Variants in SEMA4A observed in about 807,000 individuals in gnomAD.
SEMA4A encodes the protein semaphorin 4A.
In SEMA4A, 52 loss-of-function variants were observed where a neutral mutation model predicts 72.5. That is an observed-to-expected ratio of 0.72 (90% CI 0.57 to 0.90). The LOEUF is 0.90. Among genes scored for constraint, SEMA4A ranks in the 40% least tolerant of loss-of-function variants. The probability of loss-of-function intolerance (pLI) is 0.00; values close to 1 mark genes in which losing one functional copy is unlikely to be tolerated. For synonymous variants in SEMA4A, 369 were observed against 393.1 expected, an observed-to-expected ratio of 0.94 and a Z score of 0.73; for missense variants, 926 against 959.7, an observed-to-expected ratio of 0.96 and a Z score of 0.46.
chr1:156,147,724 G>A (rs1652218487), upstream of SEMA4A, among the ~76,000 whole-genome samples: 1 of 152,074 alleles, frequency 6.6e-6, no homozygotes, highest in African/African-American at 2.4e-5. Flanking sequence ...TGCAATCAAA[G>A]ACACAGGGTC....
chr1:156,156,646 G>A, intron 3 of SEMA4A, 72 bp downstream of exon 3: 3 of 1,471,548 alleles, frequency 2.0e-6, no homozygotes, highest in Non-Finnish European at 2.8e-6. Context: ...GGGCTTGGCT[G>A]CCTGTGCATG....
At chr1:156,175,288 C>G in intron 13 of SEMA4A, 45 bp downstream of exon 13, 3 of 1,573,204 alleles carry the variant, frequency 1.9e-6, no homozygotes, top group South Asian at 1.2e-5. Flanking sequence ...CAGCCAGGAC[C>G]CTTCTCAGCC....
At chr1:156,152,880 C>G (rs1652662724), upstream of SEMA4A, among the ~76,000 whole-genome samples, 1 of 152,158 alleles carries the variant, frequency 6.6e-6, no homozygotes, top group African/African-American at 2.4e-5. Flanking sequence ...GTCGAGTGGG[C>G]AGGAACCTAC....
intron 14 of SEMA4A, among the ~76,000 whole-genome samples, chr1:156,176,173 G>A (rs989197634): frequency 6.6e-6 from 1 of 151,966 alleles, no homozygotes; most frequent in Non-Finnish European, 1.5e-5. Flanking sequence ...CCAGCTATTC[G>A]GGAGGCTGGG....
chr1:156,147,676 C>A (rs74746675), upstream of SEMA4A, among the ~76,000 whole-genome samples: 47 of 152,178 alleles, frequency 3.1e-4, no homozygotes, highest in Non-Finnish European at 4.0e-4. Context: ...TCCCCAAGAC[C>A]TTCATTTTCT....
At chr1:156,156,642 G>C in intron 3 of SEMA4A, 68 bp downstream of exon 3, 1 of 1,514,956 alleles carries the variant, frequency 6.6e-7, no homozygotes, top group South Asian at 1.1e-5. Context: ...CCCTGGGCTT[G>C]GCTGCCTGTG....
chr1:156,161,490 C>T lies in SEMA4A; in HGVS notation c.955C>T (p.His319Tyr), dbSNP rs1409993141. The change falls in exon 9 of 15, where the codon CAC becomes TAC. Residue 319 changes from histidine (H) to tyrosine (Y), a missense_variant. Transcript: ENST00000368285. ...LLPADSPTAP[H>Y]IYAVFTSQWQ... ...CCCCGCCGATTCTCCCACAGCTCCC[C>T]ACATCTACGCAGTCTTCACCTCCCA... 2 of 1,613,952 alleles carry T rather than the reference C, an allele frequency of 1.2e-6. No homozygotes were observed. The highest frequency in any genetic ancestry group is 1.3e-5 in the African/African-American group (1 of 74,926).
chr1:156,158,166 G>A (rs748671120), intron 4 of SEMA4A, 34 bp downstream of exon 4: 5 of 1,609,712 alleles, frequency 3.1e-6, no homozygotes, highest in African/African-American at 2.7e-5. Flanking sequence ...GGTAGAGTGG[G>A]TAGAGAGCTC....
Position 156,175,124 on chromosome 1 carries a change from G to T in SEMA4A, c.1473G>T (p.Arg491Ser), listed in dbSNP as rs765032279. Residue 491 changes from arginine to serine, a missense_variant, in exon 13 of 15, where the codon AGG (arginine) becomes AGT (serine). By Grantham distance (110) the Arg-to-Ser change is moderately radical. Coordinates refer to ENST00000368285, the MANE Select transcript of SEMA4A (RefSeq NM_022367.4). Reference protein sequence around the residue: ...VFVGFSGGVWRVPRANCSVYE... With the variant: ...VFVGFSGGVWSVPRANCSVYE... ...TAGGCTTCTCAGGAGGTGTCTGGAGGGTGCCCCGAGCCAACTGTAGTGTCT... is the reference window on the plus strand; with the variant it reads ...TAGGCTTCTCAGGAGGTGTCTGGAGTGTGCCCCGAGCCAACTGTAGTGTCT... The T allele has an allele frequency of 1.5e-5, 25 of 1,614,164 alleles. No individual in the cohort carries two copies. Among genetic ancestry groups the T allele is most frequent in the Non-Finnish European group, 2.1e-5 (25 of 1,180,012 alleles).
chr1:156,172,787 A>C, intron 10 of SEMA4A, 39 bp from the exon 11 acceptor site: 1 of 1,593,872 alleles, frequency 6.3e-7, no homozygotes, highest in Non-Finnish European at 8.6e-7. Context: ...GCTGAGGGGA[A>C]GGGGCAAACC....
chr1:156,160,813 T>C, intron 7 of SEMA4A, 92 bp from the exon 8 acceptor site: 9 of 1,588,038 alleles, frequency 5.7e-6, no homozygotes, highest in Middle Eastern at 3.5e-4. Flanking sequence ...CTGTGTGTCC[T>C]GGCCTCCAGG....
At chr1:156,174,036 G>C (rs2103005588) in intron 11 of SEMA4A, among the ~76,000 whole-genome samples, 2 of 152,274 alleles carry the variant, frequency 1.3e-5, no homozygotes, top group South Asian at 4.1e-4. Flanking sequence ...ACTTGAACCT[G>C]GGAGGCAGAG....
intron 2 of SEMA4A, chr1:156,155,053 CA>C (rs1652887703): frequency 2.7e-6 from 1 of 373,568 alleles, no homozygotes; most frequent in Non-Finnish European, 5.0e-6. Context: ...CTAACTGCTT[CA>C]CACTCCCAGG....
intron 11 of SEMA4A, 64 bp from the exon 12 acceptor site, chr1:156,174,758 C>T (rs1023940331): frequency 2.7e-5 from 44 of 1,610,782 alleles, no homozygotes; most frequent in African/African-American, 1.1e-4. Context: ...GGGAGGCCCC[C>T]GGAAGTTGGG....
intron 10 of SEMA4A, among the ~76,000 whole-genome samples, chr1:156,168,283 A>G (rs1572413364): frequency 6.8e-6 from 1 of 146,878 alleles, no homozygotes; most frequent in Admixed American, 6.8e-5. Context: ...GTGCAGTGGC[A>G]CGATCTCGGC....
At chr1:156,166,132 C>T (rs1558155378) in intron 10 of SEMA4A, among the ~76,000 whole-genome samples, 1 of 152,116 alleles carries the variant, frequency 6.6e-6, no homozygotes, top group South Asian at 2.1e-4. Flanking sequence ...GTCTCAAACT[C>T]CTGACCTCAG....
Position 156,176,713 on chromosome 1 carries a change from G to T in SEMA4A, c.2002G>T (p.Val668Phe), listed in dbSNP as rs1354206963. 1.2e-6 allele frequency: 2 copies of T among 1,613,884 alleles called. No individual in the cohort carries two copies. The highest frequency in any genetic ancestry group is 1.7e-6 in the Non-Finnish European group (2 of 1,179,764). The change falls in exon 15 of 15, where the codon GTC becomes TTC. Residue 668 changes from valine to phenylalanine, a missense_variant. Transcript: ENST00000368285. ...REHVKVPLTRVSGGAALAAQQ... is the reference protein window; with the variant it reads ...REHVKVPLTRFSGGAALAAQQ... The stretch of plus-strand genomic sequence containing the variant: ...GCATGTGAAGGTCCCGTTGACCAGG[G>T]TCAGTGGTGGGGCCGCCCTGGCTGC...
Position 156,162,576 on chromosome 1 carries a change from C to A in SEMA4A, c.984-368C>A, listed in dbSNP as rs930314543. 3.9e-5 allele frequency among the ~76,000 whole-genome samples: 6 copies of A among 152,222 alleles called. No individual in the cohort carries two copies. In the East Asian group the frequency reaches 1.2e-3, roughly 29 times the overall value. On this transcript the variant is annotated intron_variant, in intron 9 of 14. Coordinates refer to ENST00000368285, the MANE Select transcript of SEMA4A (RefSeq NM_022367.4). ...CTGAGGACCAGGGATCCAAGAGACTCAAAGGAAGAGGGGTTTGTGTGGAGC... is the reference window on the plus strand; with the variant it reads ...CTGAGGACCAGGGATCCAAGAGACTAAAAGGAAGAGGGGTTTGTGTGGAGC...
In SEMA4A at chr1:156,154,253, A is replaced by G; in HGVS notation, c.-29-297A>G. ...GGAAAGACAGGAAAGACTTCCTGAG[A>G]GTAAGGCAAAAAAAGGCAAACCAGA... On this transcript the variant is annotated intron_variant, in intron 1 of 14. Transcript: ENST00000368285. 7.7e-6 allele frequency: 3 copies of G among 390,428 alleles called. No homozygotes were observed. The South Asian group carries it at 9.6e-5, about 12-fold the overall frequency. The allele number at this position is 390,428 out of a possible 1,614,324, so 24.2% of individuals were successfully genotyped here.
Sources: allele counts gnomAD v4.1 joint callset (sites outside exome capture counted in the v4.1 genomes callset), GRCh38; gene constraint gnomAD v4.1.1; transcripts MANE v1.5; gene names NCBI Gene and HGNC (gene_info 2026-07-23, HGNC 2026-07-21).